Variants in HEATR4 observed in about 807,000 individuals in gnomAD.
The protein encoded by HEATR4 is HEAT repeat-containing protein 4.
A neutral mutation model predicts 108.8 loss-of-function variants in HEATR4; 95 were observed. The observed-to-expected ratio is 0.87, with a 90% CI of 0.74 to 1.04. The LOEUF (loss-of-function observed/expected upper bound fraction) is 1.04, where lower values mean the gene tolerates loss of function less well. HEATR4 is among the 50% of genes least tolerant of loss of function. HEATR4 has a pLI of 0.00. For synonymous variants in HEATR4, 443 were observed against 459.4 expected (o/e 0.96, Z 0.46); for missense variants, 1,152 against 1,253.8 (o/e 0.92, Z 1.23).
At chr14:73,628,528 C>A in the HEATR4 span, among the ~76,000 whole-genome samples, 1 of 151,874 alleles carries the variant, frequency 6.6e-6, no homozygotes. Flanking sequence ...CCGAGGCGGG[C>A]GGATCATCTG....
At chr14:73,565,596 C>T in the HEATR4 span, among the ~76,000 whole-genome samples, 5 of 151,960 alleles carry the variant, frequency 3.3e-5, no homozygotes, top group East Asian at 1.9e-4. Context: ...CGGATGTGTT[C>T]GGAGTTTCTT....
rs1422590854 is a variant in HEATR4 at position 73,523,358 on chromosome 14, C to A, written c.-72-134G>T. ...GGAAGAGCCATGTGAGTTAGAAGAACAAAAGAAGAAAATGGTGCAACATCC... is the reference window on the plus strand; with the variant it reads ...GGAAGAGCCATGTGAGTTAGAAGAAAAAAAGAAGAAAATGGTGCAACATCC... On this transcript the variant is annotated intron_variant, in intron 2 of 17. Coordinates refer to ENST00000553558, the MANE Select transcript of HEATR4 (RefSeq NM_001220484.1). The A allele has an allele frequency of 5.4e-6, 3 of 552,964 alleles. No homozygotes were observed. In the African/African-American group the frequency reaches 5.6e-5, roughly 10 times the overall value. 34.3% of individuals were successfully genotyped at this position (552,964 alleles called of 1,614,324 possible).
In HEATR4 at chr14:73,498,229, C is replaced by T; in HGVS notation, c.2472G>A (p.Leu824=). ...CCCTGACCCGGTCCCCTTGAAGTTTCAGGGCTAGGATGCTACGGCAAGCTT... is the reference window on the plus strand; with the variant it reads ...CCCTGACCCGGTCCCCTTGAAGTTTTAGGGCTAGGATGCTACGGCAAGCTT... ...RLEACRSILA[L]KLQGDRVRDT... is the part of the protein sequence containing the mutation. The change falls in exon 14 of 18, where the codon CTG becomes CTA. Residue 824 remains leucine (L), a synonymous_variant. Coordinates refer to ENST00000553558, the MANE Select transcript of HEATR4 (RefSeq NM_001220484.1). 1.2e-6 allele frequency: 2 copies of T among 1,614,106 alleles called. No individual in the cohort carries two copies. Among genetic ancestry groups the T allele is most frequent in the Non-Finnish European group, 1.7e-6 (2 of 1,180,004 alleles).
chr14:73,619,610 G>A, the HEATR4 span: 1 of 1,614,164 alleles, frequency 6.2e-7, no homozygotes, highest in Non-Finnish European at 8.5e-7. Context: ...CAAGCTCATG[G>A]GAAAGAAAGA....
chr14:73,543,051 TA>T, intron 1 of HEATR4: 1 of 1,440,808 alleles, frequency 6.9e-7, no homozygotes, highest in Non-Finnish European at 9.5e-7. Context: ...CTTTCTCAGG[TA>T]AAAGGTCCAG....
chr14:73,505,905 T>TG (rs1335353740), intron 10 of HEATR4, among the ~76,000 whole-genome samples: 1 of 150,210 alleles, frequency 6.7e-6, no homozygotes, highest in Non-Finnish European at 1.5e-5. Context: ...TTTTTTTTTT[T>TG]TTTGAGATGG....
At chr14:73,509,877 T>TTTA (rs1887131251) in intron 7 of HEATR4, among the ~76,000 whole-genome samples, 1 of 111,624 alleles carries the variant, frequency 9.0e-6, no homozygotes, top group African/African-American at 3.3e-5. Context: ...TATTTATTTA[T>TTTA]TTTATATATT....
the HEATR4 span, among the ~76,000 whole-genome samples, chr14:73,575,927 G>A: frequency 2.6e-5 from 4 of 151,960 alleles, no homozygotes; most frequent in Non-Finnish European, 4.4e-5. Context: ...TGAGGTGGGC[G>A]GATCACTTGA....
At chr14:73,601,141 CA>C in the HEATR4 span, among the ~76,000 whole-genome samples, 5 of 149,198 alleles carry the variant, frequency 3.4e-5, no homozygotes, top group South Asian at 2.1e-4. Flanking sequence ...ACTCTGTCTC[CA>C]AAAAAAAGAA....
chr14:73,564,814 G>C, the HEATR4 span, among the ~76,000 whole-genome samples: 1 of 136,642 alleles, frequency 7.3e-6, no homozygotes, highest in Non-Finnish European at 1.5e-5. Flanking sequence ...GCAATCTCCT[G>C]CCTAGGACTC....
the HEATR4 span, among the ~76,000 whole-genome samples, chr14:73,608,822 A>G: frequency 3.5e-3 from 535 of 152,354 alleles, 13 homozygotes; most frequent in East Asian, 0.065. Context: ...ACAGTTCAGC[A>G]TGGCTGAGGA....
At chr14:73,569,968 A>C in the HEATR4 span, 2 of 1,456,138 alleles carry the variant, frequency 1.4e-6, no homozygotes, top group Non-Finnish European at 9.1e-7. Context: ...GCTTATGTGT[A>C]TGCCCCCCCG....
intron 7 of HEATR4, among the ~76,000 whole-genome samples, chr14:73,510,147 C>T (rs1005679359): frequency 2.6e-5 from 4 of 151,798 alleles, no homozygotes; most frequent in African/African-American, 9.7e-5. Context: ...AGACGTGTGC[C>T]ACCGCCCCCA....
rs199545926 is a variant in HEATR4 at position 73,492,035 on chromosome 14, C to A, written c.2844+1031G>T. On this transcript the variant is annotated intron_variant, in intron 17 of 17. Coordinates refer to ENST00000553558, the MANE Select transcript of HEATR4 (RefSeq NM_001220484.1). This position sits in a 1 kb window ranked among gnomAD's most constrained non-coding sequence, Gnocchi z 4.9. ...CCCTAACTCGCAGGGCTTTGCCCCC[C>A]ACTACGACGACATCGAGGCCTTCGT... 1.7e-5 allele frequency: 27 copies of A among 1,613,908 alleles called. No homozygotes were observed. The highest frequency in any genetic ancestry group is 3.4e-6 in the Non-Finnish European group (4 of 1,179,904).
At chr14:73,622,385 T>C in the HEATR4 span, among the ~76,000 whole-genome samples, 1 of 152,258 alleles carries the variant, frequency 6.6e-6, no homozygotes, top group South Asian at 2.1e-4. Flanking sequence ...GAGAGGTGAC[T>C]GTATGTGGCC....
At chr14:73,551,529 C>T (rs1265941411) in intron 1 of HEATR4, among the ~76,000 whole-genome samples, 3 of 113,960 alleles carry the variant, frequency 2.6e-5, no homozygotes, top group African/African-American at 8.6e-5. Flanking sequence ...AATGGCAGGC[C>T]AGGCGCGGTG....
chr14:73,482,416 G>T (rs1307391763), intron 17 of HEATR4, among the ~76,000 whole-genome samples: 2 of 152,118 alleles, frequency 1.3e-5, no homozygotes, highest in Admixed American at 6.6e-5. Flanking sequence ...TAGCTACTCA[G>T]GAGGCTGAGG....
chr14:73,493,229 G>A (rs1885903791), intron 16 of HEATR4, 105 bp from the exon 17 acceptor site: 4 of 880,096 alleles, frequency 4.5e-6, no homozygotes, highest in East Asian at 4.9e-5. Flanking sequence ...AGTGTACTGG[G>A]TAACACTGAC....
At chr14:73,528,327 G>A (rs1388459955) in intron 2 of HEATR4, among the ~76,000 whole-genome samples, 3 of 141,954 alleles carry the variant, frequency 2.1e-5, no homozygotes, top group African/African-American at 7.9e-5. Flanking sequence ...GGGAGGCGGA[G>A]GTTGCAGTGA....
Sources: gnomAD v4.1 joint callset for allele counts (sites outside exome capture counted in the v4.1 genomes callset) on GRCh38, gnomAD v4.1.1 for gene constraint, Gnocchi (gnomAD v3.1) non-coding constraint, MANE v1.5 for transcripts, NCBI Gene and HGNC (gene_info 2026-07-23, HGNC 2026-07-21) for gene names.